Variants in NTM observed in about 807,000 individuals in gnomAD.
The protein encoded by NTM is neurotrimin, also known as IgLON family member 2.
NTM carries 13 observed loss-of-function variants against 42.1 expected under a neutral mutation model. That is an observed-to-expected ratio of 0.31 (90% CI 0.20 to 0.49). The LOEUF (loss-of-function observed/expected upper bound fraction) is 0.49, where lower values mean the gene tolerates loss of function less well. Among genes scored for constraint, NTM ranks in the 20% least tolerant of loss-of-function variants. The pLI, the probability that NTM is intolerant of heterozygous loss-of-function variation, is 0.99. For missense variants in NTM, 373 were observed against 452.8 expected, an observed-to-expected ratio of 0.82 and a Z score of 1.60; for synonymous variants, 187 against 179.2, an observed-to-expected ratio of 1.04 and a Z score of -0.35.
chr11:131,886,572 C>T (rs1352101456), intron 1 of NTM, among the ~76,000 whole-genome samples: 1 of 152,226 alleles, frequency 6.6e-6, no homozygotes, highest in Non-Finnish European at 1.5e-5. Flanking sequence ...ATAGAGTAAA[C>T]TGTCCATTTG....
At chr11:132,055,670 TGAGA>T (rs1393943471) in intron 2 of NTM, among the ~76,000 whole-genome samples, 9 of 101,722 alleles carry the variant, frequency 8.8e-5, no homozygotes, top group South Asian at 3.3e-4. Context: ...AGAGCGAGAG[TGAGA>T]GAGAGAGACA....
At chr11:132,312,664 G>A (rs2095313930) in intron 6 of NTM, 2 of 154,846 alleles carry the variant, frequency 1.3e-5, no homozygotes, top group African/African-American at 4.8e-5. Context: ...CCCCACTGCA[G>A]AGCTGAAATC....
chr11:131,523,659 C>T (rs1056748325), intron 1 of NTM, among the ~76,000 whole-genome samples: 5 of 151,412 alleles, frequency 3.3e-5, no homozygotes, highest in Non-Finnish European at 7.4e-5. Flanking sequence ...GTGTGTGGCA[C>T]ATGTCTGTAA....
At chr11:132,317,631 C>CTGTG (rs373258723) in intron 7 of NTM, 6 of 1,295,648 alleles carry the variant, frequency 4.6e-6, no homozygotes, top group Non-Finnish European at 6.1e-6. Context: ...TTTTTCTCTC[C>CTGTG]TGTGTGTCCC....
At position 132,114,710 on chromosome 11, in the gene NTM, A is replaced by G. The variant is rs185952487; in HGVS notation, c.168-31572A>G. 1.5e-4 allele frequency among the ~76,000 whole-genome samples: 23 copies of G among 152,358 alleles called. No homozygotes were observed. The East Asian group carries it at 4.4e-3, about 29-fold the overall frequency. ...GGGGGAAGGATCTTGGAGATCATCA[A>G]GTTTAGCCTCTTTAAGATGAGGAAA... On this transcript the variant is annotated intron_variant, in intron 2 of 8. Coordinates refer to ENST00000683400, the MANE Select transcript of NTM (RefSeq NM_001352005.2).
intron 1 of NTM, among the ~76,000 whole-genome samples, chr11:131,794,153 G>A (rs1190053391): frequency 1.3e-5 from 2 of 152,068 alleles, no homozygotes; most frequent in African/African-American, 2.4e-5. Context: ...GGAGTGCCAC[G>A]GTGCGTGCTG....
chr11:131,867,258 G>T (rs2047313579), intron 1 of NTM, among the ~76,000 whole-genome samples: 1 of 152,202 alleles, frequency 6.6e-6, no homozygotes, highest in South Asian at 2.1e-4. Flanking sequence ...ATGCCTAAAC[G>T]CAGTGGGGAA....
intron 4 of NTM, among the ~76,000 whole-genome samples, chr11:132,222,930 T>A (rs576775289): frequency 4.3e-4 from 65 of 152,358 alleles, no homozygotes; most frequent in Middle Eastern, 3.4e-3. Flanking sequence ...CATCACTGCC[T>A]TGCCCTTTAT....
chr11:132,204,819 C>T (rs1471496333), intron 3 of NTM, among the ~76,000 whole-genome samples: 1 of 152,176 alleles, frequency 6.6e-6, no homozygotes, highest in Non-Finnish European at 1.5e-5. Flanking sequence ...ACATTTGCCA[C>T]AGCCTGAATC....
At chr11:132,177,982 C>T (rs1405179417) in intron 3 of NTM, among the ~76,000 whole-genome samples, 1 of 152,206 alleles carries the variant, frequency 6.6e-6, no homozygotes, top group Non-Finnish European at 1.5e-5. Flanking sequence ...TCTCCTCACT[C>T]ACATGACAAA....
At chr11:132,099,552 T>C (rs1040870806) in intron 2 of NTM, among the ~76,000 whole-genome samples, 4 of 152,084 alleles carry the variant, frequency 2.6e-5, no homozygotes, top group African/African-American at 9.7e-5. Flanking sequence ...GACAAAGAGG[T>C]GAAGTGACTT....
intron 3 of NTM, among the ~76,000 whole-genome samples, chr11:132,206,907 T>C (rs2082068296): frequency 6.6e-6 from 1 of 152,214 alleles, no homozygotes; most frequent in Admixed American, 6.5e-5. Flanking sequence ...TCATACACAA[T>C]TTTCCAACAT....
At chr11:131,764,091 A>C (rs1050361970) in intron 1 of NTM, among the ~76,000 whole-genome samples, 1 of 152,128 alleles carries the variant, frequency 6.6e-6, no homozygotes, top group African/African-American at 2.4e-5. Flanking sequence ...AGTAATAATA[A>C]AACTAAATAA....
chr11:131,439,815 C>T (rs1159341979), intron 1 of NTM, among the ~76,000 whole-genome samples: 1 of 152,172 alleles, frequency 6.6e-6, no homozygotes, highest in Non-Finnish European at 1.5e-5. Context: ...ATGGGCTGCA[C>T]CCACTGTCCA....
At chr11:132,247,112 T>C (rs537129211) in intron 4 of NTM, among the ~76,000 whole-genome samples, 2 of 152,244 alleles carry the variant, frequency 1.3e-5, no homozygotes, top group East Asian at 3.9e-4. Flanking sequence ...CCCCCAAGTG[T>C]GGCCCCTCCT....
chr11:131,823,447 C>T (rs561263437), intron 1 of NTM, among the ~76,000 whole-genome samples: 20 of 152,158 alleles, frequency 1.3e-4, no homozygotes, highest in Non-Finnish European at 2.9e-4. Context: ...ACCAGAGACG[C>T]GGCTCAGACC....
At chr11:132,314,912 G>GAGAT (rs1426005668) in intron 7 of NTM, 2 of 1,345,118 alleles carry the variant, frequency 1.5e-6, no homozygotes, top group Non-Finnish European at 1.9e-6. Flanking sequence ...GAAAGAACAA[G>GAGAT]AGATACAGTT....
Position 131,370,896 on chromosome 11 carries a change from C to G in NTM, c.82+8C>G, listed in dbSNP as rs200534291. On this transcript the variant is annotated splice_region_variant and intron_variant, in intron 1 of 8. Transcript: ENST00000683400. ...CTCTGTGTCTCTTCCAAGGTAAGAG[C>G]TTGCTATTGATTTGCCTTCGGTAGA... 1.4e-4 allele frequency: 222 copies of G among 1,613,680 alleles called. No homozygotes were observed. The highest frequency in any genetic ancestry group is 3.3e-4 in the Middle Eastern group (2 of 6,074).
chr11:131,781,608 A>G (rs1017389438), intron 1 of NTM, among the ~76,000 whole-genome samples: 2 of 152,232 alleles, frequency 1.3e-5, no homozygotes, highest in Non-Finnish European at 2.9e-5. Flanking sequence ...CAAAAGGCCA[A>G]TAGTGAGGTT....
Sources: allele counts gnomAD v4.1 joint callset (sites outside exome capture counted in the v4.1 genomes callset), GRCh38; gene constraint gnomAD v4.1.1; transcripts MANE v1.5; gene names NCBI Gene and HGNC (gene_info 2026-07-23, HGNC 2026-07-21).